Variants in KIF2A observed in about 807,000 individuals in gnomAD.
The protein encoded by KIF2A is kinesin-like protein KIF2A.
Under a neutral mutation model 100.2 loss-of-function variants are expected in KIF2A, and 22 were observed. The ratio of observed to expected loss-of-function variants is 0.22; its 90% confidence interval spans 0.16 to 0.31. The LOEUF is 0.31. Ranked by LOEUF, KIF2A falls within the 10% of genes least tolerant of loss-of-function variation. The pLI, the probability that KIF2A is intolerant of heterozygous loss-of-function variation, is 1.00. For missense variants in KIF2A, 495 were observed against 898.7 expected, an observed-to-expected ratio of 0.55 and a Z score of 5.74; for synonymous variants, 268 against 285.9, an observed-to-expected ratio of 0.94 and a Z score of 0.63.
chr5:62,372,209 T>C (rs1412488798), intron 16 of KIF2A, among the ~76,000 whole-genome samples: 3 of 152,056 alleles, frequency 2.0e-5, no homozygotes, highest in Admixed American at 1.3e-4. Context: ...AAGAGGAAAA[T>C]ACACCAGAAA....
At chr5:62,365,758 A>G (rs75882948) in intron 15 of KIF2A, among the ~76,000 whole-genome samples, 3,850 of 152,274 alleles carry the variant, frequency 0.025, 74 homozygotes, top group Non-Finnish European at 0.037. Flanking sequence ...CAGAAATTTA[A>G]CTAAACTTGC....
chr5:62,369,492 G>C (rs1403273981), intron 16 of KIF2A, among the ~76,000 whole-genome samples: 1 of 152,168 alleles, frequency 6.6e-6, no homozygotes. Context: ...CCTCCACGTG[G>C]TCTCTCCCTT....
chr5:62,341,754 C>T (rs1747306857), intron 1 of KIF2A, among the ~76,000 whole-genome samples: 1 of 151,944 alleles, frequency 6.6e-6, no homozygotes, highest in Admixed American at 6.6e-5. Context: ...CATTAAGTCA[C>T]TCCTTGCCTA....
chr5:62,350,019 G>T, intron 3 of KIF2A, 47 bp from the exon 4 acceptor site: 1 of 1,239,532 alleles, frequency 8.1e-7, no homozygotes, highest in South Asian at 1.4e-5. Flanking sequence ...TGATACATAT[G>T]AGGGAGTAAA....
Position 62,383,229 on chromosome 5 carries a change from A to ATTTTTT in KIF2A, c.2149+2002_2149+2007dup, listed in dbSNP as rs70977902. Among the ~76,000 whole-genome samples the ATTTTTT allele has an allele frequency of 4.6e-4, 18 of 39,100 alleles. 1 individual carries two copies. Among genetic ancestry groups the ATTTTTT allele is most frequent in the South Asian group, 1.5e-3 (1 of 672 alleles). The allele number at this position is 39,100 out of a possible 152,430, so 25.7% of individuals were successfully genotyped here. A position where few individuals can be genotyped will look rare whatever the true frequency, so the allele number is the denominator to read the frequency against. Reference sequence around the variant, plus strand: ...GGCATGAGCCACCATGCCTGGCCAGATTTTTTTTTTTTTTTTTTTTTTTTT... The same window carrying ATTTTTT: ...GGCATGAGCCACCATGCCTGGCCAGATTTTTTTTTTTTTTTTTTTTTTTTTTTTTTT... On this transcript the variant is annotated intron_variant, in intron 20 of 20. Coordinates refer to ENST00000407818, the MANE Select transcript of KIF2A (RefSeq NM_001098511.3).
intron 1 of KIF2A, among the ~76,000 whole-genome samples, chr5:62,323,383 C>T (rs902815682): frequency 7.2e-5 from 11 of 152,000 alleles, no homozygotes; most frequent in Non-Finnish European, 1.2e-4. Context: ...ATTAGCCGGG[C>T]GCGGCGGCGG....
chr5:62,316,620 C>T (rs2111790104), intron 1 of KIF2A, among the ~76,000 whole-genome samples: 2 of 152,280 alleles, frequency 1.3e-5, no homozygotes, highest in East Asian at 3.9e-4. Flanking sequence ...ATAGAAGGTA[C>T]AATACCAAGA....
At chr5:62,336,158 A>G (rs542982798) in intron 1 of KIF2A, among the ~76,000 whole-genome samples, 45 of 152,338 alleles carry the variant, frequency 3.0e-4, no homozygotes, top group African/African-American at 9.9e-4. Flanking sequence ...GAATTCTAAG[A>G]GATGGATGAG....
At chr5:62,349,771 C>T (rs907423195) in intron 3 of KIF2A, among the ~76,000 whole-genome samples, 3 of 152,068 alleles carry the variant, frequency 2.0e-5, no homozygotes, top group Non-Finnish European at 2.9e-5. Context: ...GTTTCCTCAT[C>T]GATGAGATGG....
intron 20 of KIF2A, among the ~76,000 whole-genome samples, chr5:62,382,089 G>A (rs572569913): frequency 2.0e-5 from 3 of 152,304 alleles, no homozygotes; most frequent in East Asian, 1.9e-4. Context: ...GTGTGTACAC[G>A]CAATCCAACA....
Position 62,373,707 on chromosome 5 carries a change from A to T in KIF2A, c.1781A>T (p.Asp594Val). Residue 594 changes from aspartate (D) to valine (V), a missense_variant, in exon 18 of 21, where the codon GAT becomes GTT. This residue lies in a region of KIF2A where 100 missense variants were observed against 138.2 expected (regional missense o/e 0.72). Coordinates refer to ENST00000407818, the MANE Select transcript of KIF2A (RefSeq NM_001098511.3). ...TATAGGGTCAAAGAATTGACTGTAGATCCAACTGCTGCTGGTGATGTTCGT... is the reference window on the plus strand; with the variant it reads ...TATAGGGTCAAAGAATTGACTGTAGTTCCAACTGCTGCTGGTGATGTTCGT... ...SVTRVKELTV[D>V]PTAAGDVRPI... The T allele has an allele frequency of 6.2e-7, 1 of 1,613,676 alleles. No individual in the cohort carries two copies. The highest frequency in any genetic ancestry group is 8.5e-7 in the Non-Finnish European group (1 of 1,179,634).
chr5:62,347,077 A>T, intron 1 of KIF2A, 53 bp from the exon 2 acceptor site: 1 of 938,982 alleles, frequency 1.1e-6, no homozygotes, highest in Non-Finnish European at 1.7e-6. Context: ...CACAGTGTTT[A>T]GGAATGCCAT....
At chr5:62,337,947 T>G (rs1398503831) in intron 1 of KIF2A, among the ~76,000 whole-genome samples, 1 of 152,148 alleles carries the variant, frequency 6.6e-6, no homozygotes, top group East Asian at 1.9e-4. Flanking sequence ...GTTTTGTGAT[T>G]ATTGGTTTAT....
chr5:62,350,175 G>C (rs1444615723), intron 4 of KIF2A, 55 bp downstream of exon 4: 1 of 1,007,694 alleles, frequency 9.9e-7, no homozygotes, highest in South Asian at 1.6e-5. Context: ...GTATGTTCCT[G>C]ACAAGGTAAA....
chr5:62,310,273 C>G (rs536049797), intron 1 of KIF2A, among the ~76,000 whole-genome samples: 45 of 152,024 alleles, frequency 3.0e-4, no homozygotes, highest in African/African-American at 9.9e-4. Context: ...AGGCTGGTCT[C>G]GAACTCCTGG....
chr5:62,349,562 C>T (rs1419946349), intron 3 of KIF2A, among the ~76,000 whole-genome samples: 1 of 152,124 alleles, frequency 6.6e-6, no homozygotes. Context: ...TTAATCTGTA[C>T]AGTGTCCAAG....
chr5:62,329,982 T>C (rs563850935), intron 1 of KIF2A, among the ~76,000 whole-genome samples: 170 of 152,368 alleles, frequency 1.1e-3, no homozygotes, highest in Non-Finnish European at 2.1e-3. Context: ...GAATTTGCAT[T>C]CTACAGTGGC....
At chr5:62,381,366 G>C in intron 20 of KIF2A, 113 bp downstream of exon 20, 1 of 783,842 alleles carries the variant, frequency 1.3e-6, no homozygotes, top group East Asian at 2.5e-5. Flanking sequence ...TAGGGGCACT[G>C]TTTAGCATCT....
In KIF2A at chr5:62,372,640, C is replaced by T. The variant is rs572636251; in HGVS notation, c.1760+89C>T. 16 of 750,206 alleles carry T rather than the reference C, an allele frequency of 2.1e-5. 1 individual carries two copies. The highest frequency in any genetic ancestry group is 3.4e-5 in the Non-Finnish European group (16 of 472,800). 46.5% of individuals were successfully genotyped at this position (750,206 alleles called of 1,614,324 possible). On this transcript the variant is annotated intron_variant, in intron 17 of 20. Coordinates refer to ENST00000407818, the MANE Select transcript of KIF2A (RefSeq NM_001098511.3). ...AAACATTTCATTTGCTATTTTTGTC[C>T]TGAGCCATTTTAGTTTTCATTGTCA...
Sources: allele counts gnomAD v4.1 joint callset (sites outside exome capture counted in the v4.1 genomes callset), GRCh38; gene constraint gnomAD v4.1.1; regional missense constraint gnomAD v4.1.1; transcripts MANE v1.5; gene names NCBI Gene and HGNC (gene_info 2026-07-23, HGNC 2026-07-21).